SMPD3: variants seen among roughly 807,000 people sequenced by gnomAD.
SMPD3 encodes the protein nSMase-2.
A neutral mutation model predicts 55.7 loss-of-function variants in SMPD3; 21 were observed. The ratio of observed to expected loss-of-function variants is 0.38; its 90% CI spans 0.27 to 0.54. The LOEUF is 0.54. Ranked by LOEUF, SMPD3 falls within the 20% of genes least tolerant of loss-of-function variation. The pLI is 0.80. For missense variants in SMPD3, 842 were observed against 899.6 expected (o/e 0.94, Z 0.82); for synonymous variants, 457 against 404.3 (o/e 1.13, Z -1.56).
intron 1 of SMPD3, among the ~76,000 whole-genome samples, chr16:68,427,347 C>A (rs1400961613): frequency 6.6e-6 from 1 of 152,208 alleles, no homozygotes; most frequent in African/African-American, 2.4e-5. Context: ...TACCACTTTT[C>A]TGTATCGTCA....
Position 68,404,758 on chromosome 16 carries a change from A to G in SMPD3, c.-268-18099T>C, listed in dbSNP as rs2090239633. 6.6e-6 allele frequency among the ~76,000 whole-genome samples: 1 copy of G among 152,246 alleles called. No individual in the cohort carries two copies. Among genetic ancestry groups the G allele is most frequent in the Non-Finnish European group, 1.5e-5 (1 of 68,048 alleles). ...CCTGAAACACTGTTTCCAGGAGTAC[A>G]GCATAGAAAATAAGTCTTTCCATCC... On this transcript the variant is annotated intron_variant, in intron 1 of 8. Coordinates refer to ENST00000219334, the MANE Select transcript of SMPD3 (RefSeq NM_018667.4). This position sits in a 1 kb window ranked among gnomAD's most constrained non-coding sequence, Gnocchi z 4.0.
intron 1 of SMPD3, among the ~76,000 whole-genome samples, chr16:68,432,959 A>G (rs2090491991): frequency 6.6e-6 from 1 of 152,144 alleles, no homozygotes; most frequent in Non-Finnish European, 1.5e-5. Flanking sequence ...GTGTGCCAGC[A>G]TGCCCAGCTA....
chr16:68,376,008 C>T (rs926646034), intron 2 of SMPD3, among the ~76,000 whole-genome samples: 1 of 152,218 alleles, frequency 6.6e-6, no homozygotes, highest in African/African-American at 2.4e-5. Flanking sequence ...GCATAGAAGC[C>T]GCTGGCGCAG....
At chr16:68,405,723 T>G (rs1018439699) in intron 1 of SMPD3, among the ~76,000 whole-genome samples, 2 of 151,924 alleles carry the variant, frequency 1.3e-5, no homozygotes, top group Non-Finnish European at 2.9e-5. Context: ...AAATGTAAGT[T>G]AACACAGCTT....
At position 68,371,185 on chromosome 16, in the gene SMPD3, CCTT is replaced by C; in HGVS notation, c.994_996del (p.Lys332del). Reference sequence around the variant, plus strand: ...GGGTGCCGCCTCCTGCGTGCAGCCGCCTTCTTCACCACCGAGGCCTTGTACAGG... The same window carrying C: ...GGGTGCCGCCTCCTGCGTGCAGCCGCCTTCACCACCGAGGCCTTGTACAGG... On this transcript the variant is annotated inframe_deletion, in exon 3 of 9. Coordinates refer to ENST00000219334, the MANE Select transcript of SMPD3 (RefSeq NM_018667.4). 6.2e-7 allele frequency: 1 copy of C among 1,612,524 alleles called. No individual in the cohort carries two copies. The highest frequency in any genetic ancestry group is 1.1e-5 in the South Asian group (1 of 91,032).
At chr16:68,398,681 GT>G (rs2090181254) in intron 1 of SMPD3, among the ~76,000 whole-genome samples, 2 of 152,186 alleles carry the variant, frequency 1.3e-5, no homozygotes, top group South Asian at 2.1e-4. Context: ...TTGGTTTTTG[GT>G]TTGCATTAGT....
At chr16:68,364,065 C>T (rs1247742049) in intron 5 of SMPD3, among the ~76,000 whole-genome samples, 199 bp from the exon 6 acceptor site, 2 of 152,196 alleles carry the variant, frequency 1.3e-5, no homozygotes, top group African/African-American at 4.8e-5. Flanking sequence ...CTTGAGAACA[C>T]CTCCCCCAGC....
At chr16:68,366,539 A>G (rs908674673) in intron 3 of SMPD3, among the ~76,000 whole-genome samples, 2 of 152,244 alleles carry the variant, frequency 1.3e-5, no homozygotes, top group African/African-American at 4.8e-5. Flanking sequence ...TTCTGCTGCA[A>G]AAACAAAACA....
At chr16:68,435,025 G>A (rs2152031716) in intron 1 of SMPD3, among the ~76,000 whole-genome samples, 1 of 152,316 alleles carries the variant, frequency 6.6e-6, no homozygotes, top group South Asian at 2.1e-4. Flanking sequence ...CACAGGGTGT[G>A]TGTGTTTGGC....
chr16:68,404,951 G>A lies in SMPD3; in HGVS notation c.-268-18292C>T, dbSNP rs1266354182. On this transcript the variant is annotated intron_variant, in intron 1 of 8. Coordinates refer to ENST00000219334, the MANE Select transcript of SMPD3 (RefSeq NM_018667.4). The surrounding 1 kb of genome is among the most constrained non-coding windows in gnomAD (Gnocchi z 4.0). Reference sequence around the variant, plus strand: ...CTTGCCAGGCCCTGTGGGCCAAGCGGATGTAGGACCTGGCTCTTATCCGGG... The same window carrying A: ...CTTGCCAGGCCCTGTGGGCCAAGCGAATGTAGGACCTGGCTCTTATCCGGG... Among the ~76,000 whole-genome samples the A allele has an allele frequency of 6.6e-6, 1 of 152,220 alleles. No homozygotes were observed. Among genetic ancestry groups the A allele is most frequent in the African/African-American group, 2.4e-5 (1 of 41,462 alleles).
intron 2 of SMPD3, among the ~76,000 whole-genome samples, chr16:68,380,466 C>G (rs1049692879): frequency 2.6e-5 from 4 of 152,250 alleles, no homozygotes; most frequent in Non-Finnish European, 5.9e-5. Flanking sequence ...CTGAGCCTGC[C>G]TGGGTGCTGA....
At chr16:68,361,349 C>A (rs774933666) in intron 8 of SMPD3, 42 bp from the exon 9 acceptor site, 10 of 1,574,558 alleles carry the variant, frequency 6.4e-6, no homozygotes, top group South Asian at 1.1e-5. Context: ...TGGTCAGATT[C>A]CAAGGGCATC....
chr16:68,374,727 C>T (rs940826518), intron 2 of SMPD3, among the ~76,000 whole-genome samples: 5 of 152,116 alleles, frequency 3.3e-5, no homozygotes, highest in Non-Finnish European at 7.4e-5. Context: ...CTGGAGGGTT[C>T]CCCCCCAGCA....
intron 1 of SMPD3, among the ~76,000 whole-genome samples, chr16:68,402,715 G>A (rs1261223149): frequency 6.6e-6 from 1 of 152,156 alleles, no homozygotes; most frequent in Non-Finnish European, 1.5e-5. Flanking sequence ...GAGGCAACAA[G>A]GTTCTACGGA....
In SMPD3 at chr16:68,361,608, TC is replaced by T. The variant is rs2089272695; in HGVS notation, c.1860del (p.Trp620Ter). 1 of 1,607,832 alleles carries T rather than the reference TC, an allele frequency of 6.2e-7. No homozygotes were observed. Among genetic ancestry groups the T allele is most frequent in the African/African-American group, 1.3e-5 (1 of 74,930 alleles). On this transcript the variant is annotated frameshift_variant, in exon 8 of 9. Transcript: ENST00000219334. LOFTEE classifies it high-confidence loss of function. ...LHAEEGLCPD[W>X]KAEVEEFSFI... The stretch of plus-strand genomic sequence containing the variant: ...GCTGGGCCCTCCTGACTCACGGCCT[TC>T]CAGTCTGGGCACAGCCCCTCCTCTG...
chr16:68,376,840 G>T lies in SMPD3; in HGVS notation c.-206-4453C>A, dbSNP rs529971786. On this transcript the variant is annotated intron_variant, in intron 2 of 8. Transcript: ENST00000219334. ...CCTCGGCTTCACCGGCCACTGCTTA[G>T]CTTGGGCTTGGGACTCAGGGTGACC... Among the ~76,000 whole-genome samples the T allele has an allele frequency of 2.6e-5, 4 of 152,346 alleles. No individual in the cohort carries two copies. In the East Asian group the frequency reaches 7.7e-4, roughly 29 times the overall value.
intron 2 of SMPD3, among the ~76,000 whole-genome samples, chr16:68,385,052 G>A (rs1324060969): frequency 4.6e-5 from 7 of 152,180 alleles, no homozygotes; most frequent in Admixed American, 2.6e-4. Flanking sequence ...AGTAACAGCC[G>A]CCTCTTGGGG....
At position 68,361,739 on chromosome 16, in the gene SMPD3, C is replaced by T. The variant is rs1248336221; in HGVS notation, c.1730G>A (p.Gly577Asp). 2.5e-6 allele frequency: 4 copies of T among 1,612,616 alleles called. No individual in the cohort carries two copies. Among genetic ancestry groups the T allele is most frequent in the African/African-American group, 2.7e-5 (2 of 74,936 alleles). ...GGGAAACGCCAGGTACTCCCTGCGG[C>T]CCTCCTCACTCTCCAGGACCCTGTC... ...NLQKVLESEE[G>D]RREYLAFPTS... is the part of the protein sequence containing the mutation. The change falls in exon 8 of 9, where the codon GGC becomes GAC. Residue 577 changes from glycine to aspartate, a missense_variant. Around this residue, in one of 2 missense-constraint regions of SMPD3, gnomAD observed 649 missense variants for 643.6 expected, o/e 1.01. Coordinates refer to ENST00000219334, the MANE Select transcript of SMPD3 (RefSeq NM_018667.4).
intron 3 of SMPD3, among the ~76,000 whole-genome samples, chr16:68,366,533 G>C (rs2089484182): frequency 6.6e-6 from 1 of 152,220 alleles, no homozygotes; most frequent in African/African-American, 2.4e-5. Flanking sequence ...TGATGGTTCT[G>C]CTGCAAAAAC....
Sources: allele counts gnomAD v4.1 joint callset (sites outside exome capture counted in the v4.1 genomes callset), GRCh38; gene constraint gnomAD v4.1.1; regional missense constraint gnomAD v4.1.1; non-coding constraint Gnocchi (gnomAD v3.1); transcripts MANE v1.5; gene names NCBI Gene and HGNC (gene_info 2026-07-23, HGNC 2026-07-21).